Variants in RARB observed in about 807,000 individuals in gnomAD.
The protein encoded by RARB is HBV-activated protein.
RARB carries 17 observed loss-of-function variants against 51.9 expected under a neutral mutation model. The ratio of observed to expected loss-of-function variants is 0.33; its 90% confidence interval spans 0.22 to 0.49. The LOEUF (loss-of-function observed/expected upper bound fraction) is 0.49. Ranked by LOEUF, RARB falls within the 20% of genes least tolerant of loss-of-function variation. The pLI is 0.99. For synonymous variants in RARB, 215 were observed against 195.4 expected (o/e 1.10, Z -0.84); for missense variants, 369 against 550.8 (o/e 0.67, Z 3.30).
chr3:25,424,709 T>C (rs778986352), upstream of RARB, among the ~76,000 whole-genome samples: 4 of 152,076 alleles, frequency 2.6e-5, no homozygotes, highest in Admixed American at 6.6e-5. Flanking sequence ...CCTCTGAAAA[T>C]CTTCTTATTT....
intron 5 of RARB, among the ~76,000 whole-genome samples, chr3:25,383,725 C>T (rs1009574745): frequency 6.6e-6 from 1 of 151,976 alleles, no homozygotes; most frequent in African/African-American, 2.4e-5. Context: ...GTCAGGAGTT[C>T]ACGACCAGTC....
At chr3:25,370,128 CTT>C (rs1481655414) in intron 5 of RARB, among the ~76,000 whole-genome samples, 2 of 151,952 alleles carry the variant, frequency 1.3e-5, no homozygotes, top group African/African-American at 4.8e-5. Context: ...GTAGGTATGA[CTT>C]ATATTTAAAA....
chr3:24,862,081 T>G (rs1559374678), intron 2 of RARB, among the ~76,000 whole-genome samples: 1 of 152,220 alleles, frequency 6.6e-6, no homozygotes, highest in Non-Finnish European at 1.5e-5. Flanking sequence ...TTTCCAATGG[T>G]AGCACTAGTA....
intron 2 of RARB, among the ~76,000 whole-genome samples, chr3:24,909,295 A>C (rs1180601217): frequency 6.6e-6 from 1 of 152,218 alleles, no homozygotes; most frequent in African/African-American, 2.4e-5. Flanking sequence ...TTGAGCACCT[A>C]CTATATTCTT....
At chr3:25,133,780 A>G (rs1699989468) in intron 4 of RARB, among the ~76,000 whole-genome samples, 1 of 151,918 alleles carries the variant, frequency 6.6e-6, no homozygotes, top group Admixed American at 6.6e-5. Flanking sequence ...GTCCAAGACA[A>G]AAGGTTGATC....
rs60292267 is a variant in RARB at position 24,970,574 on chromosome 3, A to AACACACACAC, written c.-379-89529_-379-89520dup. Among the ~76,000 whole-genome samples, 636 of 148,866 alleles carry AACACACACAC rather than the reference A, an allele frequency of 4.3e-3. 3 individuals are homozygous for AACACACACAC. The highest frequency in any genetic ancestry group is 0.016 in the East Asian group (80 of 4,972). On this transcript the variant is annotated intron_variant, in intron 2 of 11. Coordinates refer to the RARB transcript ENST00000383772. ...TAAATAAATTCCACCAAGTCATGTAAACACACACACACACACACACACACA... is the reference window on the plus strand; with the variant it reads ...TAAATAAATTCCACCAAGTCATGTAAACACACACACACACACACACACACACACACACACA...
chr3:25,495,892 GAC>G (rs372957729), intron 2 of RARB, among the ~76,000 whole-genome samples: 60 of 152,290 alleles, frequency 3.9e-4, no homozygotes, highest in African/African-American at 1.3e-3. Flanking sequence ...ACTCAAGTTT[GAC>G]CAACAGAATT....
intron 2 of RARB, among the ~76,000 whole-genome samples, chr3:24,931,865 C>G (rs1214386459): frequency 6.6e-6 from 1 of 152,106 alleles, no homozygotes; most frequent in African/African-American, 2.4e-5. Context: ...TTTGTGTTCA[C>G]AAGGCCAGAG....
At chr3:25,144,373 A>G (rs758885173) in intron 4 of RARB, among the ~76,000 whole-genome samples, 4 of 152,090 alleles carry the variant, frequency 2.6e-5, no homozygotes, top group Non-Finnish European at 4.4e-5. Flanking sequence ...CAACAAAAAC[A>G]GTTTTGAGGA....
At chr3:24,970,788 G>T (rs1282783681) in intron 2 of RARB, among the ~76,000 whole-genome samples, 1 of 151,886 alleles carries the variant, frequency 6.6e-6, no homozygotes, top group Non-Finnish European at 1.5e-5. Flanking sequence ...TTATATTTCT[G>T]ACTGCTTGAT....
At chr3:25,441,819 A>G (rs1175698726) in intron 1 of RARB, among the ~76,000 whole-genome samples, 1 of 152,208 alleles carries the variant, frequency 6.6e-6, no homozygotes, top group African/African-American at 2.4e-5. Flanking sequence ...CTAAACTGAG[A>G]GTCTTTGAGT....
chr3:24,908,707 C>T (rs974007476), intron 2 of RARB, among the ~76,000 whole-genome samples: 2 of 115,310 alleles, frequency 1.7e-5, no homozygotes, highest in African/African-American at 6.4e-5. Flanking sequence ...ACAGTTAATT[C>T]ACATCATACA....
In RARB at chr3:25,169,979, C is replaced by T. The variant is rs552102077; in HGVS notation, c.-279-4140C>T. On this transcript the variant is annotated intron_variant, in intron 4 of 11. Transcript: ENST00000383772. Reference sequence around the variant, plus strand: ...CGCCAGCCTGGGTGACAGAGCGACACCTTATTTCTTAAAAAAAAAAAAAAA... The same window carrying T: ...CGCCAGCCTGGGTGACAGAGCGACATCTTATTTCTTAAAAAAAAAAAAAAA... Among the ~76,000 whole-genome samples, 46 of 123,282 alleles carry T rather than the reference C, an allele frequency of 3.7e-4. 1 individual carries two copies. The South Asian group carries it at 0.012, about 33-fold the overall frequency. 80.9% of individuals were successfully genotyped at this position (123,282 alleles called of 152,430 possible).
chr3:25,540,647 T>A (rs1699338995), intron 3 of RARB, among the ~76,000 whole-genome samples: 1 of 152,164 alleles, frequency 6.6e-6, no homozygotes, highest in Non-Finnish European at 1.5e-5. Flanking sequence ...CTATAACCAC[T>A]AAGGTGAGAC....
chr3:24,899,706 A>G (rs1371696455), intron 2 of RARB, among the ~76,000 whole-genome samples: 1 of 152,232 alleles, frequency 6.6e-6, no homozygotes, highest in Non-Finnish European at 1.5e-5. Context: ...TGAAAGTGAA[A>G]TTAAAGTCAT....
At chr3:25,200,497 T>G (rs1320236538) in intron 5 of RARB, among the ~76,000 whole-genome samples, 3 of 152,180 alleles carry the variant, frequency 2.0e-5, no homozygotes, top group Admixed American at 1.3e-4. Context: ...TTTTGCTGTT[T>G]TAGACATGAA....
At chr3:25,352,024 C>T (rs985995895) in intron 5 of RARB, among the ~76,000 whole-genome samples, 4 of 152,172 alleles carry the variant, frequency 2.6e-5, no homozygotes, top group African/African-American at 9.6e-5. Context: ...TGTGAGTTTG[C>T]ACCCTGAATG....
At chr3:25,364,047 C>T (rs185663655) in intron 5 of RARB, among the ~76,000 whole-genome samples, 1 of 152,334 alleles carries the variant, frequency 6.6e-6, no homozygotes, top group East Asian at 1.9e-4. Context: ...CCTCTCCTAG[C>T]ATTTCTGATT....
At chr3:25,243,634 CAG>C (rs1298961078) in intron 5 of RARB, among the ~76,000 whole-genome samples, 15 of 152,154 alleles carry the variant, frequency 9.9e-5, no homozygotes, top group African/African-American at 3.6e-4. Context: ...TATGTTGAAA[CAG>C]CCTTGCATCC....
Sources: allele counts gnomAD v4.1 joint callset (sites outside exome capture counted in the v4.1 genomes callset), GRCh38; gene constraint gnomAD v4.1.1; transcripts MANE v1.5; gene names NCBI Gene and HGNC (gene_info 2026-07-23, HGNC 2026-07-21).